Variants in N4BP2L2 observed in about 807,000 individuals in gnomAD.
N4BP2L2 encodes NEDD4 binding protein 2 like 2, also known as NEDD4-binding protein 2-like 2.
In N4BP2L2, 50 loss-of-function variants were observed where a neutral mutation model predicts 56.2. That is an observed-to-expected ratio of 0.89 (90% CI 0.71 to 1.13). N4BP2L2 has a LOEUF of 1.13. Ranked by LOEUF, N4BP2L2 falls within the 50% of genes most tolerant of loss-of-function variation. The pLI, the probability that N4BP2L2 is intolerant of heterozygous loss-of-function variation, is 0.00. For missense variants in N4BP2L2, 689 were observed against 693.8 expected (o/e 0.99, Z 0.08); for synonymous variants, 203 against 223.6 (o/e 0.91, Z 0.82).
chr13:32,447,831 C>G (rs981269849), intron 6 of N4BP2L2, among the ~76,000 whole-genome samples: 2 of 151,586 alleles, frequency 1.3e-5, no homozygotes, highest in South Asian at 2.1e-4. Context: ...AGTCTGCTTT[C>G]TAGGGAAGGA....
chr13:32,466,921 C>G (rs771533087), intron 6 of N4BP2L2, among the ~76,000 whole-genome samples: 1 of 152,218 alleles, frequency 6.6e-6, no homozygotes, highest in South Asian at 2.1e-4. Context: ...TAGATTCACA[C>G]TAAGACCTGA....
chr13:32,464,247 C>T (rs944449362), intron 6 of N4BP2L2, among the ~76,000 whole-genome samples: 7 of 152,132 alleles, frequency 4.6e-5, no homozygotes, highest in African/African-American at 1.7e-4. Context: ...GTAATTGAAA[C>T]TAAGTTGGTA....
At chr13:32,530,889 T>TAAAA (rs3075024) in intron 2 of N4BP2L2, among the ~76,000 whole-genome samples, 2 of 130,378 alleles carry the variant, frequency 1.5e-5, no homozygotes, top group African/African-American at 2.8e-5. Flanking sequence ...CGGAGATTAC[T>TAAAA]AAAAAAAAAA....
chr13:32,444,559 G>A (rs1317508653), intron 6 of N4BP2L2, among the ~76,000 whole-genome samples: 7 of 152,122 alleles, frequency 4.6e-5, no homozygotes, highest in African/African-American at 7.2e-5. Flanking sequence ...GAGCCACTGC[G>A]CTGGCCATAC....
chr13:32,470,884 T>G (rs1448982320), intron 6 of N4BP2L2, among the ~76,000 whole-genome samples: 4 of 152,178 alleles, frequency 2.6e-5, no homozygotes, highest in Non-Finnish European at 5.9e-5. Context: ...CCTTCACTGT[T>G]AGGAAGAACA....
chr13:32,499,197 T>C (rs886272742), intron 6 of N4BP2L2, among the ~76,000 whole-genome samples: 5 of 152,104 alleles, frequency 3.3e-5, no homozygotes, highest in African/African-American at 1.2e-4. Flanking sequence ...AACCTGGCCC[T>C]CTACTTTTCA....
At chr13:32,442,518 T>C in exon 7 of N4BP2L2, 1 of 1,613,882 alleles carries the variant, frequency 6.2e-7, no homozygotes, top group Non-Finnish European at 8.5e-7. Flanking sequence ...ATTCCTTAGG[T>C]TCTTCCCATC....
At chr13:32,443,014 C>T (rs746312422) in exon 7 of N4BP2L2, 9 of 1,613,608 alleles carry the variant, frequency 5.6e-6, no homozygotes, top group South Asian at 2.2e-5. Context: ...TTCTTTTACA[C>T]CGATACGACT....
chr13:32,462,545 A>C (rs779902090), intron 6 of N4BP2L2, among the ~76,000 whole-genome samples: 2 of 152,148 alleles, frequency 1.3e-5, no homozygotes, highest in Non-Finnish European at 2.9e-5. Context: ...TCAATGTTTC[A>C]TAGCAGTGTA....
chr13:32,479,827 A>T (rs545512197), intron 6 of N4BP2L2, among the ~76,000 whole-genome samples: 4 of 152,050 alleles, frequency 2.6e-5, no homozygotes, highest in Non-Finnish European at 5.9e-5. Flanking sequence ...AGAAGGGAGA[A>T]TGAGAAGATC....
At chr13:32,515,906 T>C (rs2049115341) in exon 6 of N4BP2L2, 2 of 152,048 alleles carry the variant, frequency 1.3e-5, no homozygotes, top group South Asian at 4.1e-4. Context: ...CCCAGCTGAT[T>C]TTTGTATTTT....
intron 6 of N4BP2L2, among the ~76,000 whole-genome samples, chr13:32,462,861 TAAAAAAAAAAAAA>T (rs569068082): frequency 0.13 from 6,520 of 51,462 alleles, 353 homozygotes; most frequent in Middle Eastern, 0.25. Context: ...CTGTCTTTAC[TAAAAAAAAAAAAA>T]AAAAAAAAAA....
chr13:32,516,847 T>G (rs890119347), exon 6 of N4BP2L2: 4 of 966,582 alleles, frequency 4.1e-6, no homozygotes, highest in Non-Finnish European at 4.9e-6. Context: ...TTAGTCTAGG[T>G]AAAGCTTGGT....
At chr13:32,536,619 T>C (rs775508139) in exon 2 of N4BP2L2, 4 of 1,613,944 alleles carry the variant, frequency 2.5e-6, no homozygotes, top group Non-Finnish European at 3.4e-6. Flanking sequence ...CTCCCTTCAT[T>C]ACGTTTCTTT....
At chr13:32,518,965 CA>C (rs2049995917) in intron 5 of N4BP2L2, among the ~76,000 whole-genome samples, 1 of 151,966 alleles carries the variant, frequency 6.6e-6, no homozygotes, top group Non-Finnish European at 1.5e-5. Context: ...CTGGACATGA[CA>C]AAACATACAG....
chr13:32,538,155 T>C (rs539075200), intron 1 of N4BP2L2, among the ~76,000 whole-genome samples: 1 of 152,148 alleles, frequency 6.6e-6, no homozygotes, highest in South Asian at 2.1e-4. Context: ...AATTCTTCGT[T>C]GTGCCACTCT....
chr13:32,469,574 GACCCCC>G (rs2138889446), intron 6 of N4BP2L2, among the ~76,000 whole-genome samples: 1 of 152,316 alleles, frequency 6.6e-6, no homozygotes, highest in South Asian at 2.1e-4. Context: ...TAGGCCTAGG[GACCCCC>G]ACCCCCACTG....
chr13:32,514,609 A>G (rs1198066304), exon 6 of N4BP2L2: 1 of 152,064 alleles, frequency 6.6e-6, no homozygotes, highest in Admixed American at 6.5e-5. Flanking sequence ...GTTCAAGTCC[A>G]GTCTATACAA....
intron 6 of N4BP2L2, among the ~76,000 whole-genome samples, chr13:32,454,601 G>C (rs114507376): frequency 1.3e-5 from 2 of 152,106 alleles, no homozygotes; most frequent in Non-Finnish European, 2.9e-5. Flanking sequence ...AAGACTTTAT[G>C]TTAACTATTT....
Sources: allele counts gnomAD v4.1 joint callset (sites outside exome capture counted in the v4.1 genomes callset), GRCh38; gene constraint gnomAD v4.1.1; transcripts MANE v1.5; gene names NCBI Gene and HGNC (gene_info 2026-07-23, HGNC 2026-07-21).